Variants in TRIM14 observed in about 807,000 individuals in gnomAD.
The protein encoded by TRIM14 is tripartite motif containing 14, also known as tripartite motif-containing protein 14.
In TRIM14, 28 loss-of-function variants were observed where a neutral mutation model predicts 44.5. The observed-to-expected ratio is 0.63, with a 90% CI of 0.47 to 0.86. The LOEUF is 0.86. Among genes scored for constraint, TRIM14 ranks in the 40% least tolerant of loss-of-function variants. The probability of loss-of-function intolerance (pLI) is 0.00; values close to 1 mark genes in which losing one functional copy is unlikely to be tolerated. For missense variants in TRIM14, 607 were observed against 611.1 expected, an observed-to-expected ratio of 0.99 and a Z score of 0.07; for synonymous variants, 299 against 269.2, an observed-to-expected ratio of 1.11 and a Z score of -1.08.
chr9:98,112,566 C>T (rs1476743789), intron 1 of TRIM14, among the ~76,000 whole-genome samples: 2 of 151,814 alleles, frequency 1.3e-5, no homozygotes, highest in Non-Finnish European at 2.9e-5. Flanking sequence ...TTTGGGAGGC[C>T]GAGGCAGGCA....
intron 6 of TRIM14, chr9:98,078,370 CCTT>C: frequency 6.2e-7 from 1 of 1,606,602 alleles, no homozygotes; most frequent in African/African-American, 1.3e-5. Flanking sequence ...GAGGGGGTTC[CCTT>C]CTTGGGCCAT....
At chr9:98,094,098 C>T (rs1469980253) in intron 4 of TRIM14, among the ~76,000 whole-genome samples, 4 of 152,116 alleles carry the variant, frequency 2.6e-5, no homozygotes, top group Non-Finnish European at 5.9e-5. Flanking sequence ...TGTTTGTGTA[C>T]GGTCTGTCTT....
rs562058209 is a variant in TRIM14 at position 98,111,879 on chromosome 9, A to C, written c.208-1895T>G. On this transcript the variant is annotated intron_variant, in intron 1 of 5. Coordinates refer to ENST00000341469, the MANE Select transcript of TRIM14 (RefSeq NM_014788.4). ...CTTGAACCCAGGAGGCAGAGGTTGCAGTGAGCCAAGATCACACCATTGCAC... is the reference window on the plus strand; with the variant it reads ...CTTGAACCCAGGAGGCAGAGGTTGCCGTGAGCCAAGATCACACCATTGCAC... Among the ~76,000 whole-genome samples, 4 of 152,310 alleles carry C rather than the reference A, an allele frequency of 2.6e-5. No homozygotes were observed. In the South Asian group the frequency reaches 8.3e-4, roughly 32 times the overall value.
downstream of TRIM14, chr9:98,080,953 G>C: frequency 1.2e-6 from 2 of 1,614,240 alleles, no homozygotes; most frequent in Non-Finnish European, 1.7e-6. Flanking sequence ...CCTGGAAGGG[G>C]AGTGACCACT....
the TRIM14 span, among the ~76,000 whole-genome samples, chr9:98,062,760 A>G: frequency 6.8e-6 from 1 of 148,094 alleles, no homozygotes; most frequent in African/African-American, 2.5e-5. Flanking sequence ...CTACTTTTGG[A>G]TACGGAAGTT....
At chr9:98,106,174 C>T (rs549649813) in intron 2 of TRIM14, among the ~76,000 whole-genome samples, 1 of 152,236 alleles carries the variant, frequency 6.6e-6, no homozygotes, top group South Asian at 2.1e-4. Flanking sequence ...TGACAAACCA[C>T]ACAAGAAAAT....
Position 98,087,770 on chromosome 9 carries a change from G to A in TRIM14, c.1029C>T (p.Ser343=). The change falls in exon 6 of 6, where the codon TCC becomes TCT. Residue 343 remains serine, a synonymous_variant. Transcript: ENST00000341469. ...AGWWVGAAYA[S]LRRRGASAAA... ...CGGCCGAGGCCCCGCGGCGCCGAAG[G>A]GAGGCGTAGGCCGCGCCCACCCACC... The A allele has an allele frequency of 1.3e-6, 2 of 1,528,376 alleles. No individual in the cohort carries two copies. The highest frequency in any genetic ancestry group is 1.2e-5 in the South Asian group (1 of 81,898). The allele number at this position is 1,528,376 out of a possible 1,614,324, so 94.7% of individuals were successfully genotyped here.
At chr9:98,106,226 T>C (rs1826604937) in intron 2 of TRIM14, among the ~76,000 whole-genome samples, 1 of 152,224 alleles carries the variant, frequency 6.6e-6, no homozygotes, top group African/African-American at 2.4e-5. Flanking sequence ...TATATTAGAA[T>C]TGTATGTACA....
chr9:98,085,367 C>T lies in TRIM14; in HGVS notation c.*2103G>A, dbSNP rs1825736689. The stretch of plus-strand genomic sequence containing the variant: ...CGACCTTGGGCAAGTGACTCTGGGT[C>T]TCCATTTTGCCATGTGTAGAATTGG... On this transcript the variant is annotated 3_prime_UTR_variant, in exon 6 of 6. Transcript: ENST00000341469. 6.6e-6 allele frequency: 1 copy of T among 152,382 alleles called. No homozygotes were observed. The highest frequency in any genetic ancestry group is 1.5e-5 in the Non-Finnish European group (1 of 68,188). The allele number at this position is 152,382 out of a possible 1,614,324, so 9.4% of individuals were successfully genotyped here. A position where few individuals can be genotyped will look rare whatever the true frequency, so the allele number is the denominator to read the frequency against.
intron 6 of TRIM14, chr9:98,078,158 G>T (rs374277406): frequency 1.9e-6 from 3 of 1,613,898 alleles, no homozygotes; most frequent in Non-Finnish European, 8.5e-7. Flanking sequence ...CCTCTAAAGA[G>T]AAAGTGCTGA....
chr9:98,100,078 C>T lies in TRIM14; in HGVS notation c.390G>A (p.Lys130=), dbSNP rs1257322623. 1 of 1,614,082 alleles carries T rather than the reference C, an allele frequency of 6.2e-7. No individual in the cohort carries two copies. Among genetic ancestry groups the T allele is most frequent in the African/African-American group, 1.3e-5 (1 of 74,918 alleles). Residue 130 remains lysine, a synonymous_variant, in exon 3 of 6, where the codon AAG becomes AAA. Coordinates refer to ENST00000341469, the MANE Select transcript of TRIM14 (RefSeq NM_014788.4). ...GCTGCGTGTTTTTATCAATGAATTT[C>T]TTGGCCAGCGCTTCCTCTTCGTCAA... is the stretch of plus-strand genomic sequence containing the variant. ...LLLDEEEALA[K]KFIDKNTQLT...
At chr9:98,039,668 G>A in the TRIM14 span, among the ~76,000 whole-genome samples, 1 of 151,980 alleles carries the variant, frequency 6.6e-6, no homozygotes, top group Non-Finnish European at 1.5e-5. Flanking sequence ...TACCCAGATC[G>A]ATAAACTGGC....
In TRIM14 at chr9:98,087,394, C is replaced by A; in HGVS notation, c.*76G>T. 1 of 1,604,334 alleles carries A rather than the reference C, an allele frequency of 6.2e-7. No individual in the cohort carries two copies. ...AAGAAGCAGGCAGTAAGGGGACCAGCCACGCTGATCTAGGTAGATTAGGCG... is the reference window on the plus strand; with the variant it reads ...AAGAAGCAGGCAGTAAGGGGACCAGACACGCTGATCTAGGTAGATTAGGCG... On this transcript the variant is annotated 3_prime_UTR_variant, in exon 6 of 6. Coordinates refer to ENST00000341469, the MANE Select transcript of TRIM14 (RefSeq NM_014788.4).
the TRIM14 span, among the ~76,000 whole-genome samples, chr9:98,051,477 A>G: frequency 1.3e-5 from 2 of 152,208 alleles, no homozygotes; most frequent in African/African-American, 2.4e-5. Context: ...TAACTTTCAT[A>G]AGATAAAGTC....
chr9:98,082,658 T>A (rs568386575), downstream of TRIM14, among the ~76,000 whole-genome samples: 65 of 152,358 alleles, frequency 4.3e-4, no homozygotes, highest in African/African-American at 1.5e-3. Context: ...TCTGAGTCTC[T>A]GAATTCAATC....
rs373391674 is a variant in TRIM14, at chr9:98,087,242, CG to C, written c.*227del. 168 of 789,238 alleles carry C rather than the reference CG, an allele frequency of 2.1e-4. No individual in the cohort carries two copies. In the African/African-American group the frequency reaches 2.3e-3, roughly 11 times the overall value. 48.9% of individuals were successfully genotyped at this position (789,238 alleles called of 1,614,324 possible). ...TGTAAGTGATGGTGGGGTGAGGGTG[CG>C]GAGGTCTGATGAGAGGGCAGCAGCA... On this transcript the variant is annotated 3_prime_UTR_variant, in exon 6 of 6. Coordinates refer to ENST00000341469, the MANE Select transcript of TRIM14 (RefSeq NM_014788.4).
At chr9:98,112,583 G>A (rs1037798269) in intron 1 of TRIM14, among the ~76,000 whole-genome samples, 2 of 151,710 alleles carry the variant, frequency 1.3e-5, no homozygotes, top group Non-Finnish European at 2.9e-5. Context: ...GGCAGATCAC[G>A]AAGTCAGGAG....
At chr9:98,070,519 C>G (rs1829294070) in intron 6 of TRIM14, among the ~76,000 whole-genome samples, 1 of 152,084 alleles carries the variant, frequency 6.6e-6, no homozygotes, top group Non-Finnish European at 1.5e-5. Context: ...CTCCTGGGTT[C>G]AAGAGATTCT....
At position 98,094,738 on chromosome 9, in the gene TRIM14, C is replaced by A. The variant is rs541270337; in HGVS notation, c.700+129G>T. On this transcript the variant is annotated intron_variant, in intron 4 of 5. Coordinates refer to ENST00000341469, the MANE Select transcript of TRIM14 (RefSeq NM_014788.4). ...TGGGTTGGGCACCAGGCCCAGGAGC[C>A]CCTGACCGCCCAGCCAAGGGCCTCA... 4 of 1,125,326 alleles carry A rather than the reference C, an allele frequency of 3.6e-6. No individual in the cohort carries two copies. In the East Asian group the frequency reaches 7.2e-5, roughly 20 times the overall value. 69.7% of individuals were successfully genotyped at this position (1,125,326 alleles called of 1,614,324 possible).
Sources: allele counts gnomAD v4.1 joint callset (sites outside exome capture counted in the v4.1 genomes callset), GRCh38; gene constraint gnomAD v4.1.1; transcripts MANE v1.5; gene names NCBI Gene and HGNC (gene_info 2026-07-23, HGNC 2026-07-21).